EFCAB6: variants seen among roughly 807,000 people sequenced by gnomAD.
EFCAB6 encodes EF-hand calcium binding domain 6.
A neutral mutation model predicts 169.8 loss-of-function variants in EFCAB6; 156 were observed. The ratio of observed to expected loss-of-function variants is 0.92; its 90% CI spans 0.81 to 1.05. The LOEUF is 1.05. Ranked by LOEUF, EFCAB6 falls within the 50% of genes least tolerant of loss-of-function variation. The probability of loss-of-function intolerance (pLI) is 0.00; values close to 1 mark genes in which losing one functional copy is unlikely to be tolerated. For synonymous variants in EFCAB6, 698 were observed against 676.4 expected, an observed-to-expected ratio of 1.03 and a Z score of -0.50; for missense variants, 1,800 against 1,829.1, an observed-to-expected ratio of 0.98 and a Z score of 0.29.
intron 27 of EFCAB6, among the ~76,000 whole-genome samples, chr22:43,547,804 A>G (rs1465032161): frequency 6.7e-6 from 1 of 149,434 alleles, no homozygotes; most frequent in Non-Finnish European, 1.5e-5. Context: ...AAAAAACAAT[A>G]TAAAAGGCTG....
intron 20 of EFCAB6, among the ~76,000 whole-genome samples, chr22:43,625,660 G>A (rs1242950520): frequency 1.3e-5 from 2 of 152,228 alleles, no homozygotes; most frequent in South Asian, 2.1e-4. Context: ...AGGGGCCTAG[G>A]GGGCAGCACT....
In EFCAB6 at chr22:43,590,115, T is replaced by A. The variant is rs577386315; in HGVS notation, c.2991A>T (p.Gly997=). The change falls in exon 24 of 32, where the codon GGA becomes GGT. Residue 997 remains glycine (G), a synonymous_variant. Coordinates refer to ENST00000262726, the MANE Select transcript of EFCAB6 (RefSeq NM_022785.4). ...CKMQEVLEEC[G]CSLTEGELTH... is the part of the protein sequence containing the mutation. ...TCAGCTCCCCTTCGGTAAGAGAACA[T>A]CCACATTCTTCCAGCACTTCCTGCA... The A allele has an allele frequency of 1.2e-6, 2 of 1,614,126 alleles. No homozygotes were observed. The highest frequency in any genetic ancestry group is 2.2e-5 in the East Asian group (1 of 44,880).
chr22:43,546,766 G>A (rs868049381), intron 27 of EFCAB6, among the ~76,000 whole-genome samples: 26 of 151,744 alleles, frequency 1.7e-4, no homozygotes, highest in Admixed American at 4.6e-4. Flanking sequence ...CCAGCTATTC[G>A]GGAGGCTGAG....
At chr22:43,687,871 T>G (rs2058262558) in intron 10 of EFCAB6, among the ~76,000 whole-genome samples, 1 of 152,214 alleles carries the variant, frequency 6.6e-6, no homozygotes, top group African/African-American at 2.4e-5. Flanking sequence ...ATAAAATAAT[T>G]CTTTCAAATT....
chr22:43,675,943 C>A (rs959261678), intron 13 of EFCAB6, among the ~76,000 whole-genome samples: 4 of 151,666 alleles, frequency 2.6e-5, no homozygotes, highest in Non-Finnish European at 4.4e-5. Flanking sequence ...ACAAAGATGT[C>A]CAGCATAATA....
At chr22:43,756,407 T>C (rs1025600125) in intron 5 of EFCAB6, among the ~76,000 whole-genome samples, 6 of 152,192 alleles carry the variant, frequency 3.9e-5, no homozygotes, top group Admixed American at 3.3e-4. Context: ...TCGTGGTCAA[T>C]GCATCTATAC....
intron 17 of EFCAB6, among the ~76,000 whole-genome samples, chr22:43,639,080 T>C (rs1163994299): frequency 6.6e-6 from 1 of 152,202 alleles, no homozygotes; most frequent in Non-Finnish European, 1.5e-5. Flanking sequence ...TGTTCTGGTA[T>C]AGTTGACATT....
chr22:43,708,448 G>GA (rs1288511889), intron 10 of EFCAB6, among the ~76,000 whole-genome samples: 1 of 151,528 alleles, frequency 6.6e-6, no homozygotes, highest in African/African-American at 2.4e-5. Flanking sequence ...GAGGAATAAA[G>GA]AAAAAAAGAA....
At chr22:43,616,367 G>A (rs2053684809) in intron 20 of EFCAB6, among the ~76,000 whole-genome samples, 1 of 152,184 alleles carries the variant, frequency 6.6e-6, no homozygotes, top group South Asian at 2.1e-4. Context: ...GAGGCTTGTA[G>A]GATTTAAAGA....
chr22:43,780,662 T>C (rs1232618348), intron 3 of EFCAB6, among the ~76,000 whole-genome samples: 3 of 152,154 alleles, frequency 2.0e-5, no homozygotes, highest in Non-Finnish European at 4.4e-5. Context: ...TGTATTTTGA[T>C]GTCAGAAACT....
Position 43,565,824 on chromosome 22 carries a change from A to G in EFCAB6, c.3420+10473T>C, listed in dbSNP as rs950102287. On this transcript the variant is annotated intron_variant, in intron 26 of 31. Transcript: ENST00000262726. ...CAGCAGGTAGCAAAAACTCCTAATTAGAAACACTGAGTAAAGAATTCCTCA... is the reference window on the plus strand; with the variant it reads ...CAGCAGGTAGCAAAAACTCCTAATTGGAAACACTGAGTAAAGAATTCCTCA... Among the ~76,000 whole-genome samples the G allele has an allele frequency of 7.9e-5, 12 of 152,318 alleles. No homozygotes were observed. In the East Asian group the frequency reaches 2.3e-3, roughly 29 times the overall value.
intron 6 of EFCAB6, among the ~76,000 whole-genome samples, chr22:43,749,314 CAGA>C (rs1256470268): frequency 6.6e-6 from 1 of 152,068 alleles, no homozygotes; most frequent in Non-Finnish European, 1.5e-5. Flanking sequence ...TCTGGGGCCT[CAGA>C]AGGAGATATA....
chr22:43,665,933 G>A (rs1321847020), intron 17 of EFCAB6, among the ~76,000 whole-genome samples: 6 of 152,100 alleles, frequency 3.9e-5, no homozygotes, highest in East Asian at 1.9e-4. Flanking sequence ...GATTACAGGC[G>A]TGCGTGACCA....
intron 5 of EFCAB6, among the ~76,000 whole-genome samples, chr22:43,756,163 A>G (rs2060950596): frequency 6.6e-6 from 1 of 152,308 alleles, no homozygotes; most frequent in Admixed American, 6.5e-5. Context: ...CAACAGCTCT[A>G]TGGATTTGGG....
At chr22:43,802,282 C>A (rs1190986770) in intron 2 of EFCAB6, among the ~76,000 whole-genome samples, 1 of 152,150 alleles carries the variant, frequency 6.6e-6, no homozygotes, top group Non-Finnish European at 1.5e-5. Flanking sequence ...GTAATCCCAG[C>A]ACTTTGGAGG....
chr22:43,779,764 T>TA (rs1006262311), intron 3 of EFCAB6, among the ~76,000 whole-genome samples: 12 of 150,636 alleles, frequency 8.0e-5, no homozygotes, highest in African/African-American at 1.5e-4. Flanking sequence ...AAAAAAAAGT[T>TA]AAAAAAAACA....
chr22:43,553,672 G>A (rs56184894), intron 27 of EFCAB6: 30,772 of 152,280 alleles, frequency 0.2, 3,320 homozygotes, highest in Middle Eastern at 0.25. Context: ...GGCTGGGCAG[G>A]TGCTCTCTTC....
chr22:43,668,837 G>A (rs894989294), intron 16 of EFCAB6, 35 bp downstream of exon 16: 2 of 1,535,378 alleles, frequency 1.3e-6, no homozygotes, highest in Non-Finnish European at 1.8e-6. Context: ...AGACACTGTG[G>A]TTTTGATATG....
intron 10 of EFCAB6, among the ~76,000 whole-genome samples, chr22:43,701,095 G>A (rs1433810761): frequency 6.6e-6 from 1 of 152,138 alleles, no homozygotes; most frequent in African/African-American, 2.4e-5. Context: ...TGTTTTTTGT[G>A]ATCCTCTGAG....
Sources: gnomAD v4.1 joint callset for allele counts (sites outside exome capture counted in the v4.1 genomes callset) on GRCh38, gnomAD v4.1.1 for gene constraint, MANE v1.5 for transcripts, NCBI Gene and HGNC (gene_info 2026-07-23, HGNC 2026-07-21) for gene names.